The following C4orf36 variants were observed in gnomAD, a reference collection of about 807,000 sequenced individuals.
C4orf36 encodes chromosome 4 open reading frame 36.
Under a neutral mutation model 12.2 loss-of-function variants are expected in C4orf36, and 11 were observed. That is an observed-to-expected ratio of 0.90 (90% CI 0.57 to 1.49). The LOEUF (loss-of-function observed/expected upper bound fraction) is 1.49. Ranked by LOEUF, C4orf36 falls within the 40% of genes most tolerant of loss-of-function variation. The probability of loss-of-function intolerance (pLI) is 0.00; values close to 1 mark genes in which losing one functional copy is unlikely to be tolerated. For synonymous variants in C4orf36, 54 were observed against 51.3 expected (o/e 1.05, Z -0.22); for missense variants, 137 against 133.9 (o/e 1.02, Z -0.11).
At chr4:86,902,938 T>C in the C4orf36 span, among the ~76,000 whole-genome samples, 1 of 152,090 alleles carries the variant, frequency 6.6e-6, no homozygotes, top group Non-Finnish European at 1.5e-5. Context: ...ACAGTGAATA[T>C]CATGAAAGAC....
At chr4:86,915,885 T>C in the C4orf36 span, among the ~76,000 whole-genome samples, 2 of 152,124 alleles carry the variant, frequency 1.3e-5, no homozygotes, top group Non-Finnish European at 1.5e-5. Flanking sequence ...CAGTGATATG[T>C]CTACAAGCTA....
chr4:86,888,120 C>T lies in C4orf36; in HGVS notation c.220+1G>A, dbSNP rs1411734072. 8 of 1,608,354 alleles carry T rather than the reference C, an allele frequency of 5.0e-6. No homozygotes were observed. The highest frequency in any genetic ancestry group is 1.7e-4 in the Middle Eastern group (1 of 6,036). ...ATTAAAGCAGAACTTAAGGAACTTA[C>T]ATTCTGCAGAAGGGAGCAGTCCATC... On this transcript the variant is annotated splice_donor_variant, in intron 3 of 4. Coordinates refer to ENST00000295898, the MANE Select transcript of C4orf36 (RefSeq NM_144645.4). LOFTEE classifies it high-confidence loss of function.
intron 4 of C4orf36, among the ~76,000 whole-genome samples, chr4:86,882,925 A>G (rs1747082112): frequency 6.6e-6 from 1 of 152,168 alleles, no homozygotes; most frequent in Non-Finnish European, 1.5e-5. Flanking sequence ...TCGAAGAAAG[A>G]GCACCTTCAG....
chr4:86,921,638 A>T, the C4orf36 span, among the ~76,000 whole-genome samples: 16 of 152,294 alleles, frequency 1.1e-4, no homozygotes, highest in East Asian at 5.8e-4. Flanking sequence ...CAGTATTAAA[A>T]TTTTTTAATT....
intron 4 of C4orf36, among the ~76,000 whole-genome samples, chr4:86,879,338 A>G (rs1746993329): frequency 6.6e-6 from 1 of 152,242 alleles, no homozygotes; most frequent in Non-Finnish European, 1.5e-5. Context: ...AAATGAGAAT[A>G]TCAACAAAGT....
the C4orf36 span, among the ~76,000 whole-genome samples, chr4:86,907,264 A>G: frequency 6.6e-6 from 1 of 152,088 alleles, no homozygotes; most frequent in Non-Finnish European, 1.5e-5. Flanking sequence ...GGAGCCCAGG[A>G]TTCTGCATTT....
At chr4:86,932,776 G>T in the C4orf36 span, among the ~76,000 whole-genome samples, 2 of 113,804 alleles carry the variant, frequency 1.8e-5, no homozygotes, top group African/African-American at 3.4e-5. Flanking sequence ...GGGGGGGTGG[G>T]GGGGTTCTGT....
At chr4:86,913,284 G>T in the C4orf36 span, 1 of 655,132 alleles carries the variant, frequency 1.5e-6, no homozygotes, top group Non-Finnish European at 2.8e-6. Flanking sequence ...TGGAAGACTC[G>T]AGAGTCTTGA....
At chr4:86,917,312 A>AAG in the C4orf36 span, among the ~76,000 whole-genome samples, 60 of 130,648 alleles carry the variant, frequency 4.6e-4, no homozygotes, top group South Asian at 8.5e-3. Flanking sequence ...TAAAGAAAGG[A>AAG]AGAGAGAGAG....
the C4orf36 span, among the ~76,000 whole-genome samples, chr4:86,917,792 G>A: frequency 6.6e-6 from 1 of 152,218 alleles, no homozygotes; most frequent in Non-Finnish European, 1.5e-5. Context: ...ACGCCCCTAG[G>A]CCATGTGAGA....
the C4orf36 span, among the ~76,000 whole-genome samples, chr4:86,901,694 A>G: frequency 6.6e-6 from 1 of 152,016 alleles, no homozygotes; most frequent in African/African-American, 2.4e-5. Flanking sequence ...TACAGGCGTG[A>G]GCAACCGCGC....
At chr4:86,877,977 T>A (rs985130844) in intron 4 of C4orf36, among the ~76,000 whole-genome samples, 1 of 152,184 alleles carries the variant, frequency 6.6e-6, no homozygotes, top group Non-Finnish European at 1.5e-5. Context: ...AAATTGGCCG[T>A]GAGTTGATAA....
At chr4:86,935,313 C>T in the C4orf36 span, 1 of 152,514 alleles carries the variant, frequency 6.6e-6, no homozygotes, top group African/African-American at 2.4e-5. Context: ...CCGCGGACTT[C>T]TCGGAAGCCG....
upstream of C4orf36, among the ~76,000 whole-genome samples, chr4:86,894,617 C>T (rs866252776): frequency 9.9e-5 from 15 of 152,284 alleles, no homozygotes; most frequent in Middle Eastern, 3.4e-3. Context: ...CCAGCATATG[C>T]ATAAAATTCC....
At chr4:86,904,010 G>T in the C4orf36 span, among the ~76,000 whole-genome samples, 1 of 152,220 alleles carries the variant, frequency 6.6e-6, no homozygotes, top group Non-Finnish European at 1.5e-5. Flanking sequence ...GTGCTGACTG[G>T]TGCATTTACA....
chr4:86,921,057 C>A, the C4orf36 span, among the ~76,000 whole-genome samples: 2 of 151,858 alleles, frequency 1.3e-5, no homozygotes, highest in Non-Finnish European at 2.9e-5. Context: ...CCCAGCTACT[C>A]CAGAGGCTGA....
chr4:86,931,101 C>T, the C4orf36 span, among the ~76,000 whole-genome samples: 2 of 152,214 alleles, frequency 1.3e-5, no homozygotes, highest in African/African-American at 4.8e-5. Flanking sequence ...ATCTCCTACC[C>T]ACCGCATTTA....
chr4:86,905,809 CA>C, the C4orf36 span, among the ~76,000 whole-genome samples: 5 of 151,698 alleles, frequency 3.3e-5, no homozygotes, highest in Admixed American at 3.3e-4. Flanking sequence ...CCTCTGTCTC[CA>C]AGGTTCAAGC....
the C4orf36 span, among the ~76,000 whole-genome samples, chr4:86,916,865 A>C: frequency 6.6e-6 from 1 of 152,208 alleles, no homozygotes; most frequent in African/African-American, 2.4e-5. Context: ...CATCATCTAG[A>C]AGTGGCTCCC....
Sources: allele counts gnomAD v4.1 joint callset (sites outside exome capture counted in the v4.1 genomes callset), GRCh38; gene constraint gnomAD v4.1.1; transcripts MANE v1.5; gene names NCBI Gene and HGNC (gene_info 2026-07-23, HGNC 2026-07-21).